KCNAB1: variants seen among roughly 807,000 people sequenced by gnomAD.
KCNAB1 encodes the protein voltage-gated potassium channel subunit beta-1.
A neutral mutation model predicts 64.6 loss-of-function variants in KCNAB1; 35 were observed. The observed-to-expected ratio is 0.54, with a 90% confidence interval of 0.41 to 0.72. The LOEUF (loss-of-function observed/expected upper bound fraction) is 0.72, where lower values mean the gene tolerates loss of function less well. Ranked by LOEUF, KCNAB1 falls within the 30% of genes least tolerant of loss-of-function variation. The probability of loss-of-function intolerance (pLI) is 0.00; values close to 1 mark genes in which losing one functional copy is unlikely to be tolerated. For missense variants in KCNAB1, 401 were observed against 512.9 expected, an observed-to-expected ratio of 0.78 and a Z score of 2.11; for synonymous variants, 177 against 183.8, an observed-to-expected ratio of 0.96 and a Z score of 0.30.
At chr3:156,119,012 T>G (rs1713204131), upstream of KCNAB1, among the ~76,000 whole-genome samples, 1 of 152,210 alleles carries the variant, frequency 6.6e-6, no homozygotes. Context: ...GTTGCCTCCT[T>G]TGATACATGC....
intron 1 of KCNAB1, among the ~76,000 whole-genome samples, chr3:156,321,341 A>G (rs1196863504): frequency 1.3e-5 from 2 of 152,218 alleles, no homozygotes; most frequent in East Asian, 3.9e-4. Flanking sequence ...AAGCAAACAC[A>G]GAGCCCTTTT....
intron 8 of KCNAB1, among the ~76,000 whole-genome samples, chr3:156,491,922 C>G (rs1715660169): frequency 6.6e-6 from 1 of 152,070 alleles, no homozygotes; most frequent in South Asian, 2.1e-4. Flanking sequence ...TGCATAGTAT[C>G]AGAGAAATTA....
At chr3:156,430,615 G>A (rs778795643) in intron 2 of KCNAB1, among the ~76,000 whole-genome samples, 6 of 152,114 alleles carry the variant, frequency 3.9e-5, no homozygotes, top group African/African-American at 9.7e-5. Flanking sequence ...AGGGAGAGGC[G>A]ATATGTCTTG....
At chr3:156,319,607 A>G (rs1466215196) in intron 1 of KCNAB1, among the ~76,000 whole-genome samples, 1 of 152,202 alleles carries the variant, frequency 6.6e-6, no homozygotes, top group Non-Finnish European at 1.5e-5. Flanking sequence ...ATTACCACAC[A>G]CAACTTCACC....
upstream of KCNAB1, among the ~76,000 whole-genome samples, chr3:156,118,886 C>T (rs1321841823): frequency 2.6e-5 from 4 of 152,188 alleles, no homozygotes; most frequent in East Asian, 1.9e-4. Context: ...CAGAACTCCT[C>T]AATGACTCAA....
chr3:156,373,894 C>T (rs946740632), intron 1 of KCNAB1, among the ~76,000 whole-genome samples: 14 of 152,200 alleles, frequency 9.2e-5, no homozygotes, highest in Admixed American at 3.3e-4. Flanking sequence ...TCCATTCAGG[C>T]CAGGCAAGGG....
intron 1 of KCNAB1, among the ~76,000 whole-genome samples, chr3:156,388,127 C>T (rs1208942915): frequency 6.6e-6 from 1 of 152,208 alleles, no homozygotes. Flanking sequence ...AGGGAGGCAT[C>T]ACGGATCACC....
At chr3:156,292,214 T>G (rs1720486015) in intron 1 of KCNAB1, 1 of 1,452,836 alleles carries the variant, frequency 6.9e-7, no homozygotes, top group South Asian at 1.2e-5. Context: ...GAAAAGTGAT[T>G]TACTCATCAG....
chr3:156,134,763 T>C (rs1577620127), intron 1 of KCNAB1, among the ~76,000 whole-genome samples: 1 of 152,354 alleles, frequency 6.6e-6, no homozygotes, highest in East Asian at 1.9e-4. Flanking sequence ...ATTTTATAAA[T>C]TTCTCAGCCA....
rs565285428 is a variant in KCNAB1 at position 156,404,068 on chromosome 3, C to T, written c.276-17548C>T. On this transcript the variant is annotated intron_variant, in intron 1 of 13. Coordinates refer to ENST00000490337, the MANE Select transcript of KCNAB1 (RefSeq NM_172160.3). ...TTTGCTTTATATTATAATGGCTCTT[C>T]CTAAATACAATGCATAGTTGATGTA... 1.0e-3 allele frequency among the ~76,000 whole-genome samples: 155 copies of T among 152,188 alleles called. 1 individual carries two copies. In the Middle Eastern group the frequency reaches 0.014, roughly 13 times the overall value.
intron 1 of KCNAB1, among the ~76,000 whole-genome samples, chr3:156,171,535 C>G (rs962760246): frequency 2.0e-5 from 3 of 152,024 alleles, no homozygotes; most frequent in Admixed American, 6.5e-5. Flanking sequence ...TGTACTTTAT[C>G]CAATTTTATA....
At chr3:156,398,389 G>A (rs370216626) in intron 1 of KCNAB1, among the ~76,000 whole-genome samples, 12 of 152,028 alleles carry the variant, frequency 7.9e-5, no homozygotes, top group African/African-American at 2.9e-4. Context: ...TCAGGAGATC[G>A]AAACCATCCT....
At chr3:156,231,880 C>T (rs1576629187) in intron 1 of KCNAB1, among the ~76,000 whole-genome samples, 4 of 152,098 alleles carry the variant, frequency 2.6e-5, no homozygotes, top group Admixed American at 2.6e-4. Context: ...ATGTCTCATG[C>T]CTTCCTAAAA....
At chr3:156,249,580 GAAAAAAAAA>G in intron 1 of KCNAB1, among the ~76,000 whole-genome samples, 1 of 149,068 alleles carries the variant, frequency 6.7e-6, no homozygotes, top group South Asian at 2.1e-4. Flanking sequence ...AGAAAAAAAA[GAAAAAAAAA>G]GAAAAAAAAG....
intron 1 of KCNAB1, among the ~76,000 whole-genome samples, chr3:156,245,777 A>G (rs931875884): frequency 6.6e-6 from 1 of 152,188 alleles, no homozygotes; most frequent in Non-Finnish European, 1.5e-5. Flanking sequence ...TCAGCTAACA[A>G]GGCTCTTTGT....
In KCNAB1 at chr3:156,538,469, T is replaced by A. The variant is rs1031071728; in HGVS notation, c.*1722T>A. 2.0e-5 allele frequency: 3 copies of A among 152,222 alleles called. No homozygotes were observed. The highest frequency in any genetic ancestry group is 1.3e-4 in the Admixed American group (2 of 15,284). 9.4% of individuals were successfully genotyped at this position (152,222 alleles called of 1,614,324 possible). ...TTATCAGAATGATGGAAATTGATCA[T>A]TTTCAGTTGTTCATTGTGTATTCAA... On this transcript the variant is annotated 3_prime_UTR_variant, in exon 14 of 14. Coordinates refer to ENST00000490337, the MANE Select transcript of KCNAB1 (RefSeq NM_172160.3).
chr3:156,229,456 C>T (rs148176753), intron 1 of KCNAB1, among the ~76,000 whole-genome samples: 1,577 of 152,232 alleles, frequency 0.01, 10 homozygotes, highest in Middle Eastern at 0.017. Context: ...TATTACAATT[C>T]GACATGAGAT....
intron 2 of KCNAB1, among the ~76,000 whole-genome samples, chr3:156,422,416 T>G (rs2108227885): frequency 6.6e-6 from 1 of 152,320 alleles, no homozygotes; most frequent in African/African-American, 2.4e-5. Flanking sequence ...GTGGTCAGAT[T>G]GTGGCTATGT....
chr3:156,118,237 C>A, upstream of KCNAB1: 1 of 418,642 alleles, frequency 2.4e-6, no homozygotes, highest in Non-Finnish European at 4.8e-6. Flanking sequence ...GCTGGGACCA[C>A]AGTCATCTAA....
Sources: allele counts gnomAD v4.1 joint callset (sites outside exome capture counted in the v4.1 genomes callset), GRCh38; gene constraint gnomAD v4.1.1; transcripts MANE v1.5; gene names NCBI Gene and HGNC (gene_info 2026-07-23, HGNC 2026-07-21).